PIP5K1B: variants seen among roughly 807,000 people sequenced by gnomAD.
The protein encoded by PIP5K1B is phosphatidylinositol-4-phosphate 5-kinase type 1 beta, also known as phosphatidylinositol 4-phosphate 5-kinase type-1 beta.
PIP5K1B carries 42 observed loss-of-function variants against 67.0 expected under a neutral mutation model. The ratio of observed to expected loss-of-function variants is 0.63; its 90% CI spans 0.49 to 0.81. PIP5K1B has a LOEUF of 0.81. PIP5K1B is among the 30% of genes least tolerant of loss of function. PIP5K1B has a pLI of 0.00. For missense variants in PIP5K1B, 459 were observed against 646.3 expected, an observed-to-expected ratio of 0.71 and a Z score of 3.14; for synonymous variants, 214 against 231.4, an observed-to-expected ratio of 0.92 and a Z score of 0.68.
At chr9:68,884,314 A>G (rs1824344576) in intron 6 of PIP5K1B, among the ~76,000 whole-genome samples, 1 of 150,044 alleles carries the variant, frequency 6.7e-6, no homozygotes, top group Non-Finnish European at 1.5e-5. Flanking sequence ...AAAACTAATA[A>G]CCCTATTTAA....
chr9:68,791,781 G>A (rs1322718116), intron 2 of PIP5K1B, among the ~76,000 whole-genome samples: 1 of 152,182 alleles, frequency 6.6e-6, no homozygotes, highest in Non-Finnish European at 1.5e-5. Context: ...ACTTGAGAAT[G>A]CAACTGTAAT....
chr9:68,961,342 G>T (rs7020754), intron 14 of PIP5K1B, among the ~76,000 whole-genome samples: 3,802 of 152,282 alleles, frequency 0.025, 64 homozygotes, highest in African/African-American at 0.04. Flanking sequence ...TCTTCTCGAG[G>T]TGATGAAAAT....
intron 14 of PIP5K1B, among the ~76,000 whole-genome samples, chr9:68,973,193 C>T (rs936224513): frequency 6.6e-6 from 1 of 152,140 alleles, no homozygotes; most frequent in Non-Finnish European, 1.5e-5. Context: ...ATACAACAAC[C>T]TCATCTGTTG....
intron 11 of PIP5K1B, among the ~76,000 whole-genome samples, chr9:68,920,383 T>TTTTTTTTTG (rs1302652928): frequency 7.0e-6 from 1 of 143,460 alleles, no homozygotes; most frequent in Admixed American, 7.0e-5. Flanking sequence ...TTTTTTTTTT[T>TTTTTTTTTG]TTGAGATGGA....
intron 5 of PIP5K1B, among the ~76,000 whole-genome samples, chr9:68,871,706 A>G (rs891945687): frequency 6.6e-6 from 1 of 152,154 alleles, no homozygotes; most frequent in Non-Finnish European, 1.5e-5. Context: ...TGTGATAGGG[A>G]TTGTAACGTG....
At chr9:68,876,971 A>G (rs1424466028) in intron 6 of PIP5K1B, among the ~76,000 whole-genome samples, 177 bp downstream of exon 6, 1 of 152,232 alleles carries the variant, frequency 6.6e-6, no homozygotes, top group Non-Finnish European at 1.5e-5. Context: ...GTGACTTTGT[A>G]GCTTTTACTG....
chr9:68,727,080 A>C (rs1828189637), intron 1 of PIP5K1B, among the ~76,000 whole-genome samples: 1 of 152,182 alleles, frequency 6.6e-6, no homozygotes, highest in African/African-American at 2.4e-5. Flanking sequence ...GAAAACAAAA[A>C]TGAAGACTTT....
At chr9:68,996,788 G>A (rs1041960568) in intron 15 of PIP5K1B, among the ~76,000 whole-genome samples, 9 of 152,208 alleles carry the variant, frequency 5.9e-5, no homozygotes, top group African/African-American at 1.9e-4. Context: ...GCTGGGAATG[G>A]CTGGGTAAGT....
intron 4 of PIP5K1B, among the ~76,000 whole-genome samples, chr9:68,842,501 A>G (rs1821967810): frequency 6.6e-6 from 1 of 152,204 alleles, no homozygotes; most frequent in Non-Finnish European, 1.5e-5. Flanking sequence ...CACTCCATTG[A>G]TGTGGATAGC....
chr9:68,991,702 G>A (rs1830371946), intron 15 of PIP5K1B, among the ~76,000 whole-genome samples: 1 of 152,194 alleles, frequency 6.6e-6, no homozygotes, highest in African/African-American at 2.4e-5. Context: ...TCTCTCCTCA[G>A]TTGTCACCAA....
intron 14 of PIP5K1B, among the ~76,000 whole-genome samples, chr9:68,964,402 A>G (rs1828913570): frequency 6.6e-6 from 1 of 152,250 alleles, no homozygotes; most frequent in Non-Finnish European, 1.5e-5. Context: ...TAGCTATCTC[A>G]GAACAGGACA....
chr9:68,710,565 C>A (rs143742747), intron 1 of PIP5K1B, among the ~76,000 whole-genome samples: 25 of 152,114 alleles, frequency 1.6e-4, no homozygotes, highest in East Asian at 9.7e-4. Flanking sequence ...ACTTCTGTAT[C>A]GCTTCATCAG....
intron 2 of PIP5K1B, among the ~76,000 whole-genome samples, chr9:68,774,232 C>T (rs1236851591): frequency 1.3e-5 from 2 of 152,102 alleles, no homozygotes; most frequent in African/African-American, 2.4e-5. Context: ...TAACTGGCTT[C>T]GGACAAGTCT....
chr9:68,742,298 C>T (rs1003056087), intron 1 of PIP5K1B: 4 of 152,224 alleles, frequency 2.6e-5, no homozygotes, highest in African/African-American at 9.6e-5. Context: ...GATCTCAGCT[C>T]CTTTGAGAGT....
chr9:68,898,475 A>G (rs947777960), intron 8 of PIP5K1B, among the ~76,000 whole-genome samples: 3 of 152,154 alleles, frequency 2.0e-5, no homozygotes, highest in Admixed American at 2.0e-4. Flanking sequence ...TACTACAAAG[A>G]CATCACAGAT....
At chr9:68,764,741 G>A (rs1195504591) in intron 2 of PIP5K1B, among the ~76,000 whole-genome samples, 1 of 152,024 alleles carries the variant, frequency 6.6e-6, no homozygotes, top group Non-Finnish European at 1.5e-5. Context: ...GCTAGTTACA[G>A]GTGATAAACT....
intron 2 of PIP5K1B, among the ~76,000 whole-genome samples, chr9:68,775,645 A>G (rs911594513): frequency 6.6e-6 from 1 of 152,148 alleles, no homozygotes; most frequent in Non-Finnish European, 1.5e-5. Flanking sequence ...AAACTCATGA[A>G]TTGTTTATTT....
Position 68,998,420 on chromosome 9 carries a change from C to T in PIP5K1B, c.1620+7163C>T, listed in dbSNP as rs182214411. Among the ~76,000 whole-genome samples, 51 of 152,300 alleles carry T rather than the reference C, an allele frequency of 3.3e-4. No homozygotes were observed. In the South Asian group the frequency reaches 4.6e-3, roughly 14 times the overall value. ...GGTCTTTTATTATTATACATCCAGG[C>T]GCGGGTTGCCCCTCATTTTTCATTC... On this transcript the variant is annotated intron_variant, in intron 15 of 15. Coordinates refer to ENST00000265382, the MANE Select transcript of PIP5K1B (RefSeq NM_003558.4).
intron 4 of PIP5K1B, chr9:68,824,158 A>G (rs377570018): frequency 3.9e-6 from 2 of 519,060 alleles, no homozygotes; most frequent in Non-Finnish European, 7.7e-6. Flanking sequence ...TCATTCAAGC[A>G]TGGACCAACA....
Sources: gnomAD v4.1 joint callset for allele counts (sites outside exome capture counted in the v4.1 genomes callset) on GRCh38, gnomAD v4.1.1 for gene constraint, MANE v1.5 for transcripts, NCBI Gene and HGNC (gene_info 2026-07-23, HGNC 2026-07-21) for gene names.